Variants in ZBTB5 observed in about 807,000 individuals in gnomAD.
ZBTB5 encodes the protein zinc finger and BTB domain containing 5.
In ZBTB5, 15 loss-of-function variants were observed where a neutral mutation model predicts 37.9. The ratio of observed to expected loss-of-function variants is 0.40; its 90% CI spans 0.26 to 0.61. The LOEUF (loss-of-function observed/expected upper bound fraction) is 0.61, where lower values mean the gene tolerates loss of function less well. Among genes scored for constraint, ZBTB5 ranks in the 20% least tolerant of loss-of-function variants. The pLI, the probability that ZBTB5 is intolerant of heterozygous loss-of-function variation, is 0.47. For synonymous variants in ZBTB5, 315 were observed against 312.4 expected (o/e 1.01, Z -0.09); for missense variants, 708 against 856.8 (o/e 0.83, Z 2.17).
At chr9:37,457,834 G>A (rs1371122788) in intron 1 of ZBTB5, among the ~76,000 whole-genome samples, 1 of 152,196 alleles carries the variant, frequency 6.6e-6, no homozygotes, top group Non-Finnish European at 1.5e-5. Flanking sequence ...GTAAAGCAAT[G>A]TATTCGATTT....
At chr9:37,450,733 C>T (rs1471352289) in intron 1 of ZBTB5, among the ~76,000 whole-genome samples, 1 of 151,854 alleles carries the variant, frequency 6.6e-6, no homozygotes. Flanking sequence ...GGCTTGGTGG[C>T]ACGTACCTGT....
In ZBTB5 at chr9:37,439,561, G is replaced by A. The variant is rs1031779321; in HGVS notation, c.*957C>T. ...GGAGAGTTGCTATATGGGGAGGGGAGAGTGAAGAAATGGAGAACAGGCTTG... is the reference window on the plus strand; with the variant it reads ...GGAGAGTTGCTATATGGGGAGGGGAAAGTGAAGAAATGGAGAACAGGCTTG... On this transcript the variant is annotated 3_prime_UTR_variant, in exon 2 of 2. Transcript: ENST00000307750. The A allele has an allele frequency of 3.3e-5, 5 of 152,150 alleles. No individual in the cohort carries two copies. Among genetic ancestry groups the A allele is most frequent in the African/African-American group, 1.2e-4 (5 of 41,436 alleles). 9.4% of individuals were successfully genotyped at this position (152,150 alleles called of 1,614,324 possible). A position where few individuals can be genotyped will look rare whatever the true frequency, so the allele number is the denominator to read the frequency against.
chr9:37,459,400 C>T (rs1186033368), intron 1 of ZBTB5, among the ~76,000 whole-genome samples: 1 of 150,824 alleles, frequency 6.6e-6, no homozygotes, highest in African/African-American at 2.4e-5. Flanking sequence ...GCAGAGGTTG[C>T]AGTGAGCCAA....
At position 37,438,893 on chromosome 9, in the gene ZBTB5, T is replaced by C. The variant is rs558142578; in HGVS notation, c.*1625A>G. On this transcript the variant is annotated 3_prime_UTR_variant, in exon 2 of 2. Transcript: ENST00000307750. ...GCTTTTCTTCCTGGGAATCAGTCCA[T>C]GGGAGATGCCAAGCGCCCCTGGAAC... The C allele has an allele frequency of 6.6e-5, 10 of 152,328 alleles. No individual in the cohort carries two copies. The East Asian group carries it at 1.7e-3, about 26-fold the overall frequency. 9.4% of individuals were successfully genotyped at this position (152,328 alleles called of 1,614,324 possible).
intron 1 of ZBTB5, among the ~76,000 whole-genome samples, chr9:37,455,427 T>C (rs1824169700): frequency 6.6e-6 from 1 of 152,228 alleles, no homozygotes; most frequent in African/African-American, 2.4e-5. Flanking sequence ...CAATTCTTCC[T>C]GGATGCTGGA....
At chr9:37,459,538 C>T (rs371812611) in intron 1 of ZBTB5, among the ~76,000 whole-genome samples, 2 of 151,722 alleles carry the variant, frequency 1.3e-5, no homozygotes, top group African/African-American at 4.8e-5. Context: ...ATGTCTTTTA[C>T]CCCTGACAGA....
chr9:37,459,243 G>A (rs1255541382), intron 1 of ZBTB5, among the ~76,000 whole-genome samples: 1 of 152,154 alleles, frequency 6.6e-6, no homozygotes, highest in African/African-American at 2.4e-5. Flanking sequence ...TGGATCACCT[G>A]AGGTCAGGAG....
At position 37,438,538 on chromosome 9, in the gene ZBTB5, C is replaced by T. The variant is rs1396739827; in HGVS notation, c.*1980G>A. ...CCAAAAGCAAAGTCCACTTATGCTT[C>T]AGCAGAGGTAAGCGGGCAGGCTCCT... On this transcript the variant is annotated 3_prime_UTR_variant, in exon 2 of 2. Coordinates refer to ENST00000307750, the MANE Select transcript of ZBTB5 (RefSeq NM_014872.3). 2.0e-5 allele frequency: 3 copies of T among 152,284 alleles called. No individual in the cohort carries two copies. Among genetic ancestry groups the T allele is most frequent in the Non-Finnish European group, 4.4e-5 (3 of 68,056 alleles). 9.4% of individuals were successfully genotyped at this position (152,284 alleles called of 1,614,324 possible). A position where few individuals can be genotyped will look rare whatever the true frequency, so the allele number is the denominator to read the frequency against.
intron 1 of ZBTB5, among the ~76,000 whole-genome samples, chr9:37,444,434 A>G (rs1823940325): frequency 6.6e-6 from 1 of 152,168 alleles, no homozygotes; most frequent in Non-Finnish European, 1.5e-5. Flanking sequence ...TCCTGACCTC[A>G]GGTGATCCGC....
chr9:37,459,434 T>C (rs1223553381), intron 1 of ZBTB5, among the ~76,000 whole-genome samples: 2 of 151,088 alleles, frequency 1.3e-5, no homozygotes, highest in Admixed American at 6.6e-5. Context: ...TACTCCAGTC[T>C]GGGCAACAAG....
rs1823843859 is a variant in ZBTB5, at chr9:37,440,496, GTTGT to G, written c.*18_*21del. On this transcript the variant is annotated 3_prime_UTR_variant, in exon 2 of 2. Coordinates refer to ENST00000307750, the MANE Select transcript of ZBTB5 (RefSeq NM_014872.3). ...ATTCAGTCTGACAACTGGCCTCAGC[GTTGT>G]CTTGTAAGGACAAACAGCTAGAGCA... 6.2e-7 allele frequency: 1 copy of G among 1,606,288 alleles called. No homozygotes were observed. Among genetic ancestry groups the G allele is most frequent in the African/African-American group, 1.3e-5 (1 of 74,742 alleles).
Position 37,441,375 on chromosome 9 carries a change from G to A in ZBTB5, c.1177C>T (p.His393Tyr). The A allele has an allele frequency of 6.2e-7, 1 of 1,613,966 alleles. No homozygotes were observed. Among genetic ancestry groups the A allele is most frequent in the Non-Finnish European group, 8.5e-7 (1 of 1,180,000 alleles). ...AGGTTATTTGTGACTTCCAAAATAT[G>A]GATATCACCTACCCTGTCTGTGCTA... Reference protein sequence around the residue: ...QSSTDRVGDIHILEVTNNLEH... With the variant: ...QSSTDRVGDIYILEVTNNLEH... Residue 393 changes from histidine (H) to tyrosine (Y), a missense_variant, in exon 2 of 2, where the codon CAT (histidine) becomes TAT (tyrosine). Physicochemically the swap from His to Tyr is moderately conservative, Grantham distance 83. Around this residue, in one of 3 missense-constraint regions of ZBTB5, gnomAD observed 639 missense variants for 690.5 expected, o/e 0.93. Coordinates refer to ENST00000307750, the MANE Select transcript of ZBTB5 (RefSeq NM_014872.3).
chr9:37,457,679 A>G (rs770730420), intron 1 of ZBTB5, among the ~76,000 whole-genome samples: 2 of 152,268 alleles, frequency 1.3e-5, no homozygotes, highest in Non-Finnish European at 2.9e-5. Context: ...TAAGTGCCAC[A>G]TAAGAGGTGA....
At chr9:37,464,756 G>A (rs1364240138) in intron 1 of ZBTB5, among the ~76,000 whole-genome samples, 2 of 152,218 alleles carry the variant, frequency 1.3e-5, no homozygotes, top group African/African-American at 2.4e-5. Context: ...CACCCCTCCA[G>A]GGTCGGCCGC....
intron 1 of ZBTB5, among the ~76,000 whole-genome samples, chr9:37,443,948 T>C (rs1823930188): frequency 6.8e-6 from 1 of 148,056 alleles, no homozygotes; most frequent in African/African-American, 2.5e-5. Flanking sequence ...CCGAGCATGG[T>C]GGCGTGCACC....
At position 37,442,123 on chromosome 9, in the gene ZBTB5, G is replaced by C; in HGVS notation, c.429C>G (p.Ser143=). Residue 143 remains serine (S), a synonymous_variant, in exon 2 of 2, where the codon TCC becomes TCG. Coordinates refer to ENST00000307750, the MANE Select transcript of ZBTB5 (RefSeq NM_014872.3). The stretch of plus-strand genomic sequence containing the variant: ...TTAGTCCCAGCTGCTGTAGCATAAA[G>C]GAGCGCTGCATGCGGGCGCTCTGCT... ...VQEQSARMQR[S]FMLQQLGLSI... is the part of the protein sequence containing the mutation. The C allele has an allele frequency of 1.2e-6, 2 of 1,614,194 alleles. No homozygotes were observed. Among genetic ancestry groups the C allele is most frequent in the Non-Finnish European group, 1.7e-6 (2 of 1,180,050 alleles).
intron 1 of ZBTB5, among the ~76,000 whole-genome samples, chr9:37,443,941 A>T (rs1823930066): frequency 6.8e-6 from 1 of 147,666 alleles, no homozygotes; most frequent in African/African-American, 2.5e-5. Context: ...AAATTAGCCG[A>T]GCATGGTGGC....
Position 37,448,440 on chromosome 9 carries a change from TGCA to T in ZBTB5, c.-4-5888_-4-5886del, listed in dbSNP as rs539504301. 1.6e-3 allele frequency among the ~76,000 whole-genome samples: 244 copies of T among 152,304 alleles called. 1 individual carries two copies. Among genetic ancestry groups the T allele is most frequent in the Non-Finnish European group, 1.7e-3 (118 of 68,032 alleles). ...GGGTGCTCAGAAGATTCTGGGGAGC[TGCA>T]AATGACAGATGTCCACCTAGCATCC... On this transcript the variant is annotated intron_variant, in intron 1 of 1. Transcript: ENST00000307750.
chr9:37,445,049 T>C (rs758776078), intron 1 of ZBTB5, among the ~76,000 whole-genome samples: 1 of 150,996 alleles, frequency 6.6e-6, no homozygotes, highest in African/African-American at 2.4e-5. Flanking sequence ...AGATAGGTCA[T>C]TAAAAAAAAC....
Sources: allele counts gnomAD v4.1 joint callset (sites outside exome capture counted in the v4.1 genomes callset), GRCh38; gene constraint gnomAD v4.1.1; regional missense constraint gnomAD v4.1.1; transcripts MANE v1.5; gene names NCBI Gene and HGNC (gene_info 2026-07-23, HGNC 2026-07-21).